Variants in HEMK2 observed in about 807,000 individuals in gnomAD.
HEMK2 encodes HemK methyltransferase 2, ETF1 glutamine and histone H4 lysine.
the HEMK2 span, among the ~76,000 whole-genome samples, chr21:28,841,676 G>C: frequency 1.3e-5 from 2 of 150,424 alleles, no homozygotes; most frequent in Admixed American, 6.7e-5. Flanking sequence ...GGGAAGAGTG[G>C]GAGGGGATGA....
chr21:28,653,752 A>G, the HEMK2 span, among the ~76,000 whole-genome samples: 4 of 152,292 alleles, frequency 2.6e-5, 1 homozygote, highest in Middle Eastern at 6.8e-3. Context: ...TGTTTAGTTC[A>G]TTGGACTATA....
chr21:28,693,919 C>T, the HEMK2 span, among the ~76,000 whole-genome samples: 84,648 of 152,086 alleles, frequency 0.56, 26,228 homozygotes, highest in East Asian at 0.84. Flanking sequence ...TCTTTACCCA[C>T]ACAATCAAGA....
the HEMK2 span, chr21:28,885,244 G>A: frequency 1.9e-6 from 3 of 1,589,298 alleles, no homozygotes; most frequent in Non-Finnish European, 2.6e-6. Flanking sequence ...CCTCCAGCGC[G>A]TCCAAAAGCA....
the HEMK2 span, among the ~76,000 whole-genome samples, chr21:28,842,244 T>C: frequency 9.9e-5 from 15 of 152,110 alleles, no homozygotes; most frequent in African/African-American, 2.7e-4. Context: ...ATATATTACA[T>C]TATTTATTCA....
chr21:28,756,661 T>G, the HEMK2 span, among the ~76,000 whole-genome samples: 1 of 152,166 alleles, frequency 6.6e-6, no homozygotes, highest in Non-Finnish European at 1.5e-5. Flanking sequence ...AAAGAACAGG[T>G]CTACAAACCA....
chr21:28,824,049 T>A, the HEMK2 span, among the ~76,000 whole-genome samples: 5 of 152,178 alleles, frequency 3.3e-5, no homozygotes, highest in African/African-American at 1.2e-4. Context: ...TTATGAGTAA[T>A]GTTTGAGAAC....
chr21:28,856,845 G>T, the HEMK2 span, among the ~76,000 whole-genome samples: 1 of 152,340 alleles, frequency 6.6e-6, no homozygotes, highest in South Asian at 2.1e-4. Flanking sequence ...CTGAAGCACT[G>T]AGCTGTGCGG....
chr21:28,875,885 T>C, the HEMK2 span: 3 of 152,442 alleles, frequency 2.0e-5, no homozygotes, highest in African/African-American at 7.2e-5. Context: ...CTAATGTAGT[T>C]CCTACTTCTT....
chr21:28,641,466 A>T, the HEMK2 span, among the ~76,000 whole-genome samples: 2 of 152,152 alleles, frequency 1.3e-5, no homozygotes, highest in East Asian at 3.9e-4. Context: ...GACCACCTGG[A>T]AGTCTTCTTA....
chr21:28,819,159 T>A, the HEMK2 span, among the ~76,000 whole-genome samples: 17 of 152,212 alleles, frequency 1.1e-4, no homozygotes, highest in African/African-American at 3.6e-4. Flanking sequence ...AATAATAGGG[T>A]ATAGAAAAGC....
chr21:28,579,398 T>G, the HEMK2 span, among the ~76,000 whole-genome samples: 1 of 152,222 alleles, frequency 6.6e-6, no homozygotes, highest in African/African-American at 2.4e-5. Flanking sequence ...CTCTTATTAG[T>G]TTCCTCATTA....
the HEMK2 span, among the ~76,000 whole-genome samples, chr21:28,630,859 A>G: frequency 5.9e-5 from 9 of 152,070 alleles, no homozygotes; most frequent in African/African-American, 1.4e-4. Context: ...CAGCACACCA[A>G]CACGGCACAT....
the HEMK2 span, chr21:28,577,098 T>G: frequency 6.6e-6 from 1 of 152,266 alleles, no homozygotes; most frequent in Admixed American, 6.5e-5. Flanking sequence ...GAATCTCATT[T>G]GTTCACCTTT....
chr21:28,789,340 T>C, the HEMK2 span, among the ~76,000 whole-genome samples: 1 of 152,112 alleles, frequency 6.6e-6, no homozygotes, highest in Non-Finnish European at 1.5e-5. Context: ...AAACGGCGTA[T>C]AGCTCTCAAT....
the HEMK2 span, among the ~76,000 whole-genome samples, chr21:28,692,461 A>G: frequency 1.3e-5 from 2 of 152,150 alleles, no homozygotes; most frequent in Non-Finnish European, 2.9e-5. Context: ...ACAATAAGGA[A>G]AGTAAAGTAA....
At chr21:28,651,034 G>T in the HEMK2 span, among the ~76,000 whole-genome samples, 1 of 151,962 alleles carries the variant, frequency 6.6e-6, no homozygotes, top group South Asian at 2.1e-4. Flanking sequence ...GAGGAGAGGA[G>T]ACCGTAGTTG....
the HEMK2 span, among the ~76,000 whole-genome samples, chr21:28,852,073 C>T: frequency 4.6e-5 from 7 of 152,178 alleles, no homozygotes; most frequent in East Asian, 1.9e-4. Flanking sequence ...ACAGTCCAAA[C>T]GGGAGAGTTG....
chr21:28,862,295 C>G, the HEMK2 span, among the ~76,000 whole-genome samples: 1 of 151,610 alleles, frequency 6.6e-6, no homozygotes, highest in African/African-American at 2.4e-5. Flanking sequence ...AAAAAAACCA[C>G]GACCTGCTGA....
At chr21:28,656,773 T>C in the HEMK2 span, among the ~76,000 whole-genome samples, 1 of 152,024 alleles carries the variant, frequency 6.6e-6, no homozygotes, top group Non-Finnish European at 1.5e-5. Context: ...GATAAGCCCA[T>C]CAACCAAAGG....
Sources: allele counts gnomAD v4.1 joint callset (sites outside exome capture counted in the v4.1 genomes callset), GRCh38; gene constraint gnomAD v4.1.1; transcripts MANE v1.5; gene names NCBI Gene and HGNC (gene_info 2026-07-23, HGNC 2026-07-21).